Variants in SLC37A1 observed in about 807,000 individuals in gnomAD.
SLC37A1 encodes the protein glucose-6-phosphate exchanger SLC37A1.
A neutral mutation model predicts 75.3 loss-of-function variants in SLC37A1; 49 were observed. The ratio of observed to expected loss-of-function variants is 0.65; its 90% confidence interval spans 0.52 to 0.83. SLC37A1 has a LOEUF of 0.83. SLC37A1 is among the 40% of genes least tolerant of loss of function. The probability of loss-of-function intolerance (pLI) is 0.00; values close to 1 mark genes in which losing one functional copy is unlikely to be tolerated. For synonymous variants in SLC37A1, 268 were observed against 292.1 expected, an observed-to-expected ratio of 0.92 and a Z score of 0.84; for missense variants, 566 against 695.0, an observed-to-expected ratio of 0.81 and a Z score of 2.09.
chr21:42,511,656 G>A (rs1448038984), upstream of SLC37A1, among the ~76,000 whole-genome samples: 4 of 152,142 alleles, frequency 2.6e-5, no homozygotes, highest in African/African-American at 9.7e-5. Context: ...ATGGTGGCAT[G>A]GGCCTGTATT....
At chr21:42,578,935 T>C (rs935556953) in intron 18 of SLC37A1, among the ~76,000 whole-genome samples, 1 of 152,168 alleles carries the variant, frequency 6.6e-6, no homozygotes, top group African/African-American at 2.4e-5. Flanking sequence ...GGACCAGTGA[T>C]CCACCCTGGG....
chr21:42,563,137 C>T (rs759226999), intron 12 of SLC37A1, among the ~76,000 whole-genome samples: 3 of 152,154 alleles, frequency 2.0e-5, no homozygotes, highest in Non-Finnish European at 4.4e-5. Context: ...TCCTTCCCTG[C>T]CTTGTGACCC....
At chr21:42,524,783 C>T (rs1405185523) in intron 2 of SLC37A1, among the ~76,000 whole-genome samples, 1 of 152,200 alleles carries the variant, frequency 6.6e-6, no homozygotes, top group Non-Finnish European at 1.5e-5. Flanking sequence ...AAGAAACATG[C>T]TTTTGGTCTC....
chr21:42,553,713 A>G (rs1015350817), intron 9 of SLC37A1, among the ~76,000 whole-genome samples: 4 of 151,756 alleles, frequency 2.6e-5, no homozygotes, highest in Non-Finnish European at 5.9e-5. Flanking sequence ...TAGGGAGGGC[A>G]GGTGTTCCTC....
intron 10 of SLC37A1, among the ~76,000 whole-genome samples, chr21:42,556,944 G>A (rs1330635099): frequency 2.0e-5 from 3 of 152,330 alleles, no homozygotes; most frequent in Middle Eastern, 3.4e-3. Flanking sequence ...TGTCTCGGGG[G>A]CTCCTTGCTG....
chr21:42,568,443 G>A lies in SLC37A1; in HGVS notation c.1423+5G>A, dbSNP rs200930080. The A allele has an allele frequency of 5.4e-5, 87 of 1,613,130 alleles. No homozygotes were observed. The highest frequency in any genetic ancestry group is 2.0e-4 in the Admixed American group (12 of 59,914). On this transcript the variant is annotated splice_donor_5th_base_variant and intron_variant, in intron 17 of 19. Transcript: ENST00000352133. Reference sequence around the variant, plus strand: ...TTGACGGGACGGGCTCTGTAGGTGCGCAGAGAGTTTTAGCTCTGGGAGGTT... The same window carrying A: ...TTGACGGGACGGGCTCTGTAGGTGCACAGAGAGTTTTAGCTCTGGGAGGTT...
In SLC37A1 at chr21:42,515,382, A is replaced by G. The variant is rs112831034; in HGVS notation, c.-179+665A>G. ...AGACCCAGTTAAAAAAAAATGTCAT[A>G]AAGTAGATTATTTAAAATATCTGTG... is the stretch of plus-strand genomic sequence containing the variant. On this transcript the variant is annotated intron_variant, in intron 1 of 19. Transcript: ENST00000352133. 9.6e-3 allele frequency among the ~76,000 whole-genome samples: 1,468 copies of G among 152,252 alleles called. 16 individuals are homozygous for G. The highest frequency in any genetic ancestry group is 0.017 in the African/African-American group (706 of 41,482).
At chr21:42,515,361 C>A (rs2054505152) in intron 1 of SLC37A1, among the ~76,000 whole-genome samples, 2 of 149,780 alleles carry the variant, frequency 1.3e-5, no homozygotes, top group Non-Finnish European at 2.9e-5. Context: ...AAAGTGAGAC[C>A]CAGTTAAAAA....
intron 6 of SLC37A1, among the ~76,000 whole-genome samples, chr21:42,541,946 T>G (rs1267803882): frequency 4.6e-5 from 7 of 152,164 alleles, no homozygotes; most frequent in African/African-American, 1.7e-4. Flanking sequence ...CTCTCTATAT[T>G]GCCCAGGCTG....
rs117965939 is a variant in SLC37A1, at chr21:42,575,825, A to G, written c.1521+910A>G. ...AAAATCAAATACCGACTCTCAACCTATGAACTTACTAGGTTTAAATGGCTG... is the reference window on the plus strand; with the variant it reads ...AAAATCAAATACCGACTCTCAACCTGTGAACTTACTAGGTTTAAATGGCTG... On this transcript the variant is annotated intron_variant, in intron 18 of 19. Coordinates refer to ENST00000352133, the MANE Select transcript of SLC37A1 (RefSeq NM_001320537.2). The G allele has an allele frequency of 9.3e-3, 9,180 of 985,410 alleles. 58 individuals are homozygous for G. The highest frequency in any genetic ancestry group is 1.0e-2 in the Non-Finnish European group (8,280 of 829,908). 61.0% of individuals were successfully genotyped at this position (985,410 alleles called of 1,614,324 possible).
At chr21:42,502,091 T>A (rs551106106) in intron 1 of SLC37A1, among the ~76,000 whole-genome samples, 26 of 152,368 alleles carry the variant, frequency 1.7e-4, no homozygotes, top group African/African-American at 6.3e-4. Flanking sequence ...ACGTGTATAT[T>A]TAGCTCAGGT....
chr21:42,511,731 C>T (rs557626992), upstream of SLC37A1, among the ~76,000 whole-genome samples: 4 of 152,138 alleles, frequency 2.6e-5, no homozygotes, highest in Non-Finnish European at 5.9e-5. Context: ...CTGCAGTGAG[C>T]CTTGACCATT....
intron 10 of SLC37A1, among the ~76,000 whole-genome samples, chr21:42,554,580 G>GA (rs2055635915): frequency 6.6e-6 from 1 of 152,206 alleles, no homozygotes; most frequent in African/African-American, 2.4e-5. Context: ...CCTGAGCACA[G>GA]AGGGTGTCAG....
chr21:42,531,964 C>T (rs1259340220), intron 3 of SLC37A1, among the ~76,000 whole-genome samples: 2 of 151,964 alleles, frequency 1.3e-5, no homozygotes, highest in Non-Finnish European at 2.9e-5. Flanking sequence ...GTGGCCCTTT[C>T]CTGGACCCTT....
intron 13 of SLC37A1, 79 bp downstream of exon 13, chr21:42,563,956 G>C: frequency 6.6e-7 from 1 of 1,522,628 alleles, no homozygotes; most frequent in Non-Finnish European, 9.1e-7. Flanking sequence ...ACTGCTCAGG[G>C]GAACAGGGTT....
At chr21:42,520,079 G>A (rs958141091) in intron 2 of SLC37A1, among the ~76,000 whole-genome samples, 17 of 152,018 alleles carry the variant, frequency 1.1e-4, no homozygotes, top group Admixed American at 3.3e-4. Flanking sequence ...AAATACTTCC[G>A]TGTGTATTTC....
chr21:42,531,764 T>C (rs2054988611), intron 3 of SLC37A1, among the ~76,000 whole-genome samples: 1 of 152,180 alleles, frequency 6.6e-6, no homozygotes, highest in Non-Finnish European at 1.5e-5. Context: ...ATAAAACTCA[T>C]AGAAATACTG....
At chr21:42,505,535 A>G (rs2054376478) in intron 2 of SLC37A1, among the ~76,000 whole-genome samples, 1 of 151,998 alleles carries the variant, frequency 6.6e-6, no homozygotes, top group East Asian at 1.9e-4. Context: ...GTAACCCTCT[A>G]CACTCCATCA....
At chr21:42,530,519 C>G (rs1039460524) in intron 3 of SLC37A1, among the ~76,000 whole-genome samples, 1 of 151,430 alleles carries the variant, frequency 6.6e-6, no homozygotes, top group African/African-American at 2.4e-5. Context: ...ATGTGAAGGA[C>G]TGGTTAGAAT....
Sources: gnomAD v4.1 joint callset for allele counts (sites outside exome capture counted in the v4.1 genomes callset) on GRCh38, gnomAD v4.1.1 for gene constraint, MANE v1.5 for transcripts, NCBI Gene and HGNC (gene_info 2026-07-23, HGNC 2026-07-21) for gene names.